The following PRKN variants were observed in gnomAD, a reference collection of about 807,000 sequenced individuals.
PRKN encodes E3 ubiquitin-protein ligase parkin.
In PRKN, 56 loss-of-function variants were observed where a neutral mutation model predicts 59.5. The observed-to-expected ratio is 0.94, with a 90% CI of 0.76 to 1.18. The LOEUF (loss-of-function observed/expected upper bound fraction) is 1.18. Among genes scored for constraint, PRKN ranks in the 50% most tolerant of loss-of-function variants. PRKN has a pLI of 0.00. For missense variants in PRKN, 657 were observed against 596.4 expected (o/e 1.10, Z -1.06); for synonymous variants, 250 against 222.1 (o/e 1.13, Z -1.12).
At chr6:162,516,354 T>C (rs1777856161) in intron 1 of PRKN, among the ~76,000 whole-genome samples, 1 of 152,202 alleles carries the variant, frequency 6.6e-6, no homozygotes, top group Non-Finnish European at 1.5e-5. Flanking sequence ...ACCTATCCAA[T>C]GAAGCAGATT....
chr6:161,971,482 T>G (rs1434829127), intron 6 of PRKN, among the ~76,000 whole-genome samples: 1 of 152,232 alleles, frequency 6.6e-6, no homozygotes, highest in East Asian at 1.9e-4. Flanking sequence ...CCCTCGCTTT[T>G]AGCACTTTTC....
At chr6:161,767,026 T>A (rs1230356140) in intron 7 of PRKN, among the ~76,000 whole-genome samples, 4 of 152,176 alleles carry the variant, frequency 2.6e-5, no homozygotes, top group Non-Finnish European at 5.9e-5. Context: ...CCTGCCCTAG[T>A]ATCCAGTAGC....
intron 2 of PRKN, among the ~76,000 whole-genome samples, chr6:162,377,218 T>C (rs577208497): frequency 1.3e-5 from 2 of 152,306 alleles, no homozygotes; most frequent in South Asian, 4.1e-4. Flanking sequence ...TGAACTAATA[T>C]TCAAATCCAA....
intron 8 of PRKN, among the ~76,000 whole-genome samples, chr6:161,568,447 G>A (rs577424988): frequency 9.9e-5 from 15 of 152,256 alleles, no homozygotes; most frequent in Non-Finnish European, 2.2e-4. Context: ...TAAAAAATTA[G>A]CTGGGTGTGG....
chr6:162,503,136 C>CTGTTTTTTTT (rs1793446348), intron 1 of PRKN, among the ~76,000 whole-genome samples: 1 of 81,120 alleles, frequency 1.2e-5, no homozygotes, highest in Non-Finnish European at 2.3e-5. Flanking sequence ...GTCTTCATTT[C>CTGTTTTTTTT]TTTTTTTTTT....
rs185381238 is a variant in PRKN, at chr6:161,442,492, T to C, written c.1084-55615A>G. 8.9e-4 allele frequency among the ~76,000 whole-genome samples: 135 copies of C among 152,354 alleles called. 1 individual carries two copies. Among genetic ancestry groups the C allele is most frequent in the Middle Eastern group, 6.8e-3 (2 of 294 alleles). On this transcript the variant is annotated intron_variant, in intron 9 of 11. Transcript: ENST00000366898. This position sits in a 1 kb window ranked among gnomAD's most constrained non-coding sequence, Gnocchi z 4.6. ...TTTTAAAATCTCGGGCTTCATCTTT[T>C]GGATAATTCACATGACCTTCTCCTT...
At chr6:162,324,581 ACAGGGGGTCCACAGGTGCG>A (rs1309768074) in intron 2 of PRKN, among the ~76,000 whole-genome samples, 1 of 152,088 alleles carries the variant, frequency 6.6e-6, no homozygotes, top group Non-Finnish European at 1.5e-5. Context: ...AAGCACTGGC[ACAGGGGGTCCACAGGTGCG>A]CAGGGGGTCC....
intron 7 of PRKN, among the ~76,000 whole-genome samples, chr6:161,616,321 T>G (rs1412364969): frequency 6.6e-6 from 1 of 152,086 alleles, no homozygotes; most frequent in Non-Finnish European, 1.5e-5. Context: ...TTTTAAACTT[T>G]AAACCACTAT....
chr6:162,526,429 A>G (rs1345421848), intron 1 of PRKN, among the ~76,000 whole-genome samples: 2 of 151,848 alleles, frequency 1.3e-5, no homozygotes, highest in Non-Finnish European at 2.9e-5. Flanking sequence ...AGGCGGGCAG[A>G]TCATGAGGTC....
At chr6:162,692,668 G>C (rs1216323421) in intron 1 of PRKN, among the ~76,000 whole-genome samples, 1 of 151,932 alleles carries the variant, frequency 6.6e-6, no homozygotes, top group African/African-American at 2.4e-5. Flanking sequence ...GGAGAATTAG[G>C]AACTGTCCAC....
chr6:162,683,630 G>A (rs1779852192), intron 1 of PRKN, among the ~76,000 whole-genome samples: 2 of 152,064 alleles, frequency 1.3e-5, no homozygotes, highest in Admixed American at 6.6e-5. Flanking sequence ...CAAAAATCAC[G>A]TCTGTTGGAA....
intron 4 of PRKN, among the ~76,000 whole-genome samples, chr6:162,112,283 C>T (rs1264919996): frequency 1.3e-5 from 2 of 152,074 alleles, no homozygotes; most frequent in African/African-American, 4.8e-5. Context: ...AAAATGATGT[C>T]CCAGTCTAAA....
intron 4 of PRKN, among the ~76,000 whole-genome samples, chr6:162,130,295 C>T (rs1447650770): frequency 6.6e-6 from 1 of 152,126 alleles, no homozygotes; most frequent in African/African-American, 2.4e-5. Flanking sequence ...CCATTCATTT[C>T]ATCTATCACA....
At chr6:161,787,941 AAAAC>A (rs1270516535) in intron 6 of PRKN, among the ~76,000 whole-genome samples, 2 of 152,228 alleles carry the variant, frequency 1.3e-5, no homozygotes, top group Non-Finnish European at 2.9e-5. Context: ...CTCTGCCTCA[AAAAC>A]AAACAAACAA....
chr6:162,227,933 TAAA>T (rs200671069), intron 3 of PRKN, among the ~76,000 whole-genome samples: 16 of 141,980 alleles, frequency 1.1e-4, no homozygotes, highest in South Asian at 2.2e-4. Flanking sequence ...GTAGTTCCAT[TAAA>T]AAAAAAAAAA....
At chr6:161,672,711 G>A (rs1340838739) in intron 7 of PRKN, among the ~76,000 whole-genome samples, 1 of 151,640 alleles carries the variant, frequency 6.6e-6, no homozygotes. Context: ...GGGAGGTGGA[G>A]GTTGCAGTAA....
At chr6:161,506,919 C>T (rs568969463) in intron 9 of PRKN, among the ~76,000 whole-genome samples, 1 of 152,110 alleles carries the variant, frequency 6.6e-6, no homozygotes, top group Admixed American at 6.5e-5. Flanking sequence ...AAGGCTGCCA[C>T]GGAGCCAGGA....
At position 161,808,836 on chromosome 6, in the gene PRKN, C is replaced by CTGTTT. The variant is rs201816502; in HGVS notation, c.735-22933_735-22929dup. On this transcript the variant is annotated intron_variant, in intron 6 of 11. Coordinates refer to ENST00000366898, the MANE Select transcript of PRKN (RefSeq NM_004562.3). ...AAAAGTCATATTCTGGTATTTTGTT[C>CTGTTT]TGTTTTGTTTTGTTTTGTTTTTCAG... Among the ~76,000 whole-genome samples the CTGTTT allele has an allele frequency of 6.5e-3, 995 of 152,044 alleles. 14 individuals are homozygous for CTGTTT. The highest frequency in any genetic ancestry group is 0.023 in the African/African-American group (948 of 41,472).
chr6:162,718,528 G>T (rs1055817715), intron 1 of PRKN, among the ~76,000 whole-genome samples: 1 of 151,986 alleles, frequency 6.6e-6, no homozygotes, highest in African/African-American at 2.4e-5. Context: ...TGACTAACAC[G>T]GTGATACCCC....
Sources: allele counts gnomAD v4.1 joint callset (sites outside exome capture counted in the v4.1 genomes callset), GRCh38; gene constraint gnomAD v4.1.1; non-coding constraint Gnocchi (gnomAD v3.1); transcripts MANE v1.5; gene names NCBI Gene and HGNC (gene_info 2026-07-23, HGNC 2026-07-21).